The following PDE5A variants were observed in gnomAD, a reference collection of about 807,000 sequenced individuals.
PDE5A encodes the protein phosphodiesterase 5A.
PDE5A carries 67 observed loss-of-function variants against 110.2 expected under a neutral mutation model. The observed-to-expected ratio is 0.61, with a 90% CI of 0.50 to 0.75. PDE5A has a LOEUF of 0.75. Among genes scored for constraint, PDE5A ranks in the 30% least tolerant of loss-of-function variants. The pLI is 0.00. For synonymous variants in PDE5A, 328 were observed against 351.2 expected (o/e 0.93, Z 0.74); for missense variants, 862 against 1,045.1 (o/e 0.82, Z 2.42).
At chr4:119,502,531 T>A (rs201147916) in intron 19 of PDE5A, 50 bp downstream of exon 19, 3 of 958,070 alleles carry the variant, frequency 3.1e-6, no homozygotes, top group South Asian at 1.6e-5. Context: ...AGTCTACAAT[T>A]AAAAAAAAAA....
At chr4:119,511,765 G>C (rs1725751249) in intron 14 of PDE5A, among the ~76,000 whole-genome samples, 1 of 152,050 alleles carries the variant, frequency 6.6e-6, no homozygotes, top group Non-Finnish European at 1.5e-5. Context: ...TGCTAGTTCT[G>C]CTAATTGAAC....
chr4:119,552,079 TCATGTTAAGAA>T (rs1265986006), intron 9 of PDE5A: 1 of 152,216 alleles, frequency 6.6e-6, no homozygotes, highest in African/African-American at 2.4e-5. Flanking sequence ...TTTTCTATAA[TCATGTTAAGAA>T]CATAAGCTCC....
chr4:119,542,026 C>G (rs1230493911), intron 10 of PDE5A: 1 of 153,544 alleles, frequency 6.5e-6, no homozygotes, highest in African/African-American at 2.4e-5. Flanking sequence ...TTCCTCACTT[C>G]TAATTCTCTT....
At position 119,627,371 on chromosome 4, in the gene PDE5A, CCGGCAGAGCCGCGGCCGCG is replaced by C; in HGVS notation, c.152+1130_152+1148del. ...TGCGCCGCCCCCTGGCGGGGAGCGA[CCGGCAGAGCCGCGGCCGCG>C]CGCCGGCGAGTGGGACCCGGGCGTC... On this transcript the variant is annotated intron_variant, in intron 1 of 20. Transcript: ENST00000354960. The surrounding 1 kb of genome is among the most constrained non-coding windows in gnomAD (Gnocchi z 4.6). The C allele has an allele frequency of 3.2e-6, 3 of 939,626 alleles. No individual in the cohort carries two copies. Among genetic ancestry groups the C allele is most frequent in the Non-Finnish European group, 3.8e-6 (3 of 784,764 alleles). 58.2% of individuals were successfully genotyped at this position (939,626 alleles called of 1,614,324 possible). A position where few individuals can be genotyped will look rare whatever the true frequency, so the allele number is the denominator to read the frequency against.
rs112189670 is a variant in PDE5A at position 119,580,978 on chromosome 4, G to A, written c.832-13834C>T. ...TTTTAAGGGTGGTATCCTGCCTGAC[G>A]CCAGGTGTTGGCCTGCAAAGCATAG... is the stretch of plus-strand genomic sequence containing the variant. On this transcript the variant is annotated intron_variant, in intron 3 of 20. Coordinates refer to ENST00000354960, the MANE Select transcript of PDE5A (RefSeq NM_001083.4). Among the ~76,000 whole-genome samples the A allele has an allele frequency of 9.4e-3, 1,431 of 152,290 alleles. 24 individuals are homozygous for A. The highest frequency in any genetic ancestry group is 0.032 in the African/African-American group (1,345 of 41,556).
chr4:119,556,038 G>A (rs1727525728), intron 7 of PDE5A, among the ~76,000 whole-genome samples: 1 of 152,166 alleles, frequency 6.6e-6, no homozygotes, highest in Admixed American at 6.5e-5. Context: ...AACTGTCATA[G>A]GAGCTTACAA....
intron 9 of PDE5A, chr4:119,548,284 G>A (rs1474601077): frequency 2.0e-5 from 3 of 152,056 alleles, no homozygotes; most frequent in Non-Finnish European, 2.9e-5. Context: ...TCCTGACCTT[G>A]TGATCCGCCC....
intron 11 of PDE5A, among the ~76,000 whole-genome samples, chr4:119,537,666 CT>C (rs2110483217): frequency 6.6e-6 from 1 of 152,070 alleles, no homozygotes; most frequent in South Asian, 2.1e-4. Context: ...GGGATGTTAA[CT>C]CCCAAATCTC....
In PDE5A at chr4:119,498,051, A is replaced by G. The variant is rs1725144270; in HGVS notation, c.*550T>C. On this transcript the variant is annotated 3_prime_UTR_variant, in exon 21 of 21. Transcript: ENST00000354960. ...ACAATACAGTTTCATAGGACTTTCC[A>G]TTTGTTTCAGAGTGCCTTAACTTTT... The G allele has an allele frequency of 6.6e-6, 1 of 152,462 alleles. No individual in the cohort carries two copies. The allele number at this position is 152,462 out of a possible 1,614,324, so 9.4% of individuals were successfully genotyped here. A position where few individuals can be genotyped will look rare whatever the true frequency, so the allele number is the denominator to read the frequency against.
intron 20 of PDE5A, 44 bp downstream of exon 20, chr4:119,501,126 C>CAACA: frequency 3.3e-6 from 4 of 1,213,736 alleles, no homozygotes; most frequent in Non-Finnish European, 3.7e-6. Context: ...TTCTAATTCA[C>CAACA]AACAGTCCAA....
At chr4:119,527,170 A>C (rs1284403663) in intron 11 of PDE5A, 1 of 152,176 alleles carries the variant, frequency 6.6e-6, no homozygotes, top group Non-Finnish European at 1.5e-5. Flanking sequence ...TCCTTTCACA[A>C]AGAACATTCT....
chr4:119,520,681 A>G (rs916751533), intron 13 of PDE5A, among the ~76,000 whole-genome samples: 5 of 152,078 alleles, frequency 3.3e-5, no homozygotes, highest in Non-Finnish European at 7.4e-5. Context: ...CCCAAAGACT[A>G]TTTACGTGCA....
chr4:119,512,192 C>G (rs1018368511), intron 14 of PDE5A, among the ~76,000 whole-genome samples: 1 of 152,032 alleles, frequency 6.6e-6, no homozygotes, highest in African/African-American at 2.4e-5. Flanking sequence ...TGAGAGAAAT[C>G]TGAGGGAAAA....
In PDE5A at chr4:119,495,685, C is replaced by CTA. The variant is rs1040959961; in HGVS notation, c.*2914_*2915dup. ...TCTCTAATACTCCTATTAAAGGAAA[C>CTA]TATTATTCAAAATTAAGAGACAGTG... On this transcript the variant is annotated 3_prime_UTR_variant, in exon 21 of 21. Transcript: ENST00000354960. The CTA allele has an allele frequency of 6.6e-6, 1 of 152,466 alleles. No homozygotes were observed. The highest frequency in any genetic ancestry group is 2.4e-5 in the African/African-American group (1 of 41,436). 9.4% of individuals were successfully genotyped at this position (152,466 alleles called of 1,614,324 possible).
chr4:119,516,455 T>G (rs1458772110), intron 14 of PDE5A, among the ~76,000 whole-genome samples: 1 of 152,240 alleles, frequency 6.6e-6, no homozygotes, highest in Non-Finnish European at 1.5e-5. Flanking sequence ...ACCAAATAAA[T>G]GCATCTACAA....
At chr4:119,539,822 T>C (rs543557371) in intron 10 of PDE5A, among the ~76,000 whole-genome samples, 1 of 152,298 alleles carries the variant, frequency 6.6e-6, no homozygotes, top group East Asian at 1.9e-4. Context: ...ATCCCAAACC[T>C]AAAAATCTGA....
intron 3 of PDE5A, among the ~76,000 whole-genome samples, chr4:119,587,994 CTG>C (rs1476141478): frequency 6.6e-6 from 1 of 152,168 alleles, no homozygotes; most frequent in Non-Finnish European, 1.5e-5. Flanking sequence ...TCTCTTGAGG[CTG>C]TGAGATAAAC....
chr4:119,628,458 A>G (rs1370755165), intron 1 of PDE5A, 62 bp downstream of exon 1: 1 of 1,383,646 alleles, frequency 7.2e-7, no homozygotes, highest in Non-Finnish European at 9.9e-7. Context: ...GGGGTGAACG[A>G]AGGGCACAAT....
At chr4:119,502,056 T>C (rs1420534416) in intron 19 of PDE5A, among the ~76,000 whole-genome samples, 2 of 152,156 alleles carry the variant, frequency 1.3e-5, no homozygotes, top group Admixed American at 6.6e-5. Flanking sequence ...ACTGTGGTGG[T>C]GGCATGACAT....
Sources: gnomAD v4.1 joint callset for allele counts (sites outside exome capture counted in the v4.1 genomes callset) on GRCh38, gnomAD v4.1.1 for gene constraint, Gnocchi (gnomAD v3.1) non-coding constraint, MANE v1.5 for transcripts, NCBI Gene and HGNC (gene_info 2026-07-23, HGNC 2026-07-21) for gene names.